AHCYL2: variants seen among roughly 807,000 people sequenced by gnomAD.
AHCYL2 encodes the protein S-adenosylhomocysteine hydrolase-like protein 2.
Under a neutral mutation model 81.4 loss-of-function variants are expected in AHCYL2, and 28 were observed. The observed-to-expected ratio is 0.34, with a 90% CI of 0.25 to 0.47. The LOEUF (loss-of-function observed/expected upper bound fraction) is 0.47, where lower values mean the gene tolerates loss of function less well. Among genes scored for constraint, AHCYL2 ranks in the 20% least tolerant of loss-of-function variants. The probability of loss-of-function intolerance (pLI) is 1.00; values close to 1 mark genes in which losing one functional copy is unlikely to be tolerated. For missense variants in AHCYL2, 551 were observed against 785.1 expected (o/e 0.70, Z 3.56); for synonymous variants, 272 against 290.2 (o/e 0.94, Z 0.64).
At chr7:129,412,314 C>G (rs1435038795) in intron 11 of AHCYL2, among the ~76,000 whole-genome samples, 1 of 134,984 alleles carries the variant, frequency 7.4e-6, no homozygotes, top group African/African-American at 2.7e-5. Flanking sequence ...TTTTTTTTTT[C>G]GAGACACCCA....
chr7:129,271,279 TG>T (rs1417366244), intron 1 of AHCYL2, among the ~76,000 whole-genome samples: 1 of 146,086 alleles, frequency 6.8e-6, no homozygotes, highest in African/African-American at 2.6e-5. Flanking sequence ...AAGAATGGCG[TG>T]AACCCGAGAG....
intron 1 of AHCYL2, among the ~76,000 whole-genome samples, chr7:129,358,045 A>G (rs1272484379): frequency 6.6e-6 from 1 of 152,152 alleles, no homozygotes; most frequent in Non-Finnish European, 1.5e-5. Flanking sequence ...GCCTATCGAC[A>G]GATGAATGGA....
intron 1 of AHCYL2, among the ~76,000 whole-genome samples, chr7:129,353,192 C>A (rs190833410): frequency 0.011 from 1,693 of 152,256 alleles, 14 homozygotes; most frequent in Non-Finnish European, 0.018. Flanking sequence ...AGGTGATCCA[C>A]CTGCCTCGGC....
At chr7:129,253,937 T>C (rs547355353) in intron 1 of AHCYL2, among the ~76,000 whole-genome samples, 3 of 152,380 alleles carry the variant, frequency 2.0e-5, no homozygotes, top group Admixed American at 6.5e-5. Flanking sequence ...TTAACTATTA[T>C]GATTTAGTTA....
chr7:129,290,459 C>G lies in AHCYL2; in HGVS notation c.363+65020C>G, dbSNP rs1385983660. On this transcript the variant is annotated intron_variant, in intron 1 of 16. Transcript: ENST00000325006. Reference sequence around the variant, plus strand: ...GAGCTTGCAGTGAGCTGAGATTGCGCCACTGCACTCCAGCCTGGGCGACAG... The same window carrying G: ...GAGCTTGCAGTGAGCTGAGATTGCGGCACTGCACTCCAGCCTGGGCGACAG... Among the ~76,000 whole-genome samples the G allele has an allele frequency of 1.3e-4, 19 of 150,128 alleles. No homozygotes were observed. In the South Asian group the frequency reaches 2.8e-3, roughly 22 times the overall value.
In AHCYL2 at chr7:129,350,583, C is replaced by G. The variant is rs111905237; in HGVS notation, c.364-29055C>G. ...TGTATTTTTAGTAGAGACAGGGTTT[C>G]ACTATGTTGGCCAGGCTGGTCTCGA... On this transcript the variant is annotated intron_variant, in intron 1 of 16. Coordinates refer to ENST00000325006, the MANE Select transcript of AHCYL2 (RefSeq NM_015328.4). 6.1e-3 allele frequency among the ~76,000 whole-genome samples: 925 copies of G among 152,048 alleles called. 12 individuals carry two copies. The highest frequency in any genetic ancestry group is 0.022 in the African/African-American group (892 of 41,486).
At chr7:129,416,400 A>G (rs538101655) in intron 12 of AHCYL2, among the ~76,000 whole-genome samples, 10 of 152,326 alleles carry the variant, frequency 6.6e-5, no homozygotes, top group Admixed American at 2.0e-4. Context: ...AATTTATACT[A>G]TGTTAGAAGG....
At chr7:129,245,117 T>A (rs1255925500) in intron 1 of AHCYL2, among the ~76,000 whole-genome samples, 3 of 151,094 alleles carry the variant, frequency 2.0e-5, no homozygotes, top group Admixed American at 6.6e-5. Context: ...CTCCGCCTCC[T>A]GGGCTCAAGT....
intron 1 of AHCYL2, among the ~76,000 whole-genome samples, chr7:129,298,354 AC>A (rs1420033432): frequency 6.6e-6 from 1 of 152,220 alleles, no homozygotes; most frequent in African/African-American, 2.4e-5. Context: ...TATCTAGTTA[AC>A]TAAATATTTC....
intron 6 of AHCYL2, among the ~76,000 whole-genome samples, chr7:129,402,044 A>C (rs1276252840): frequency 3.9e-5 from 6 of 152,218 alleles, no homozygotes; most frequent in Admixed American, 3.9e-4. Flanking sequence ...GACAGCAACT[A>C]CTGTCTCTAG....
intron 1 of AHCYL2, among the ~76,000 whole-genome samples, chr7:129,264,558 G>T (rs924497379): frequency 6.6e-6 from 1 of 152,216 alleles, no homozygotes; most frequent in African/African-American, 2.4e-5. Context: ...AATTATAGTA[G>T]AGAAAATTAA....
At chr7:129,356,986 C>T (rs2150837315) in intron 1 of AHCYL2, among the ~76,000 whole-genome samples, 1 of 152,280 alleles carries the variant, frequency 6.6e-6, no homozygotes, top group Admixed American at 6.5e-5. Flanking sequence ...AAGGCTGGTA[C>T]CTACATTCTA....
intron 1 of AHCYL2, among the ~76,000 whole-genome samples, chr7:129,299,281 A>T (rs74368096): frequency 2.8e-5 from 1 of 35,646 alleles, no homozygotes. Flanking sequence ...CTCCTCTACC[A>T]AAAAAAAAAA....
chr7:129,423,435 A>G (rs1021476548), intron 13 of AHCYL2, among the ~76,000 whole-genome samples: 3 of 152,176 alleles, frequency 2.0e-5, no homozygotes, highest in Non-Finnish European at 4.4e-5. Context: ...CAATTGCTCA[A>G]TTGATATTTC....
At chr7:129,290,657 G>T (rs935017456) in intron 1 of AHCYL2, among the ~76,000 whole-genome samples, 2 of 151,464 alleles carry the variant, frequency 1.3e-5, no homozygotes, top group South Asian at 2.1e-4. Context: ...GTGGCCGGGC[G>T]TGGTGGCTCA....
chr7:129,228,355 A>G (rs1257056299), intron 1 of AHCYL2, among the ~76,000 whole-genome samples: 2 of 152,238 alleles, frequency 1.3e-5, no homozygotes, highest in Non-Finnish European at 2.9e-5. Context: ...TCCCAAGTGC[A>G]GTAGTTAATA....
chr7:129,423,987 T>A (rs183006803), intron 13 of AHCYL2, among the ~76,000 whole-genome samples: 1 of 152,210 alleles, frequency 6.6e-6, no homozygotes, highest in Non-Finnish European at 1.5e-5. Context: ...ACCTGGTAAT[T>A]TTGGTGACAA....
At chr7:129,418,385 C>T (rs929124489) in intron 12 of AHCYL2, among the ~76,000 whole-genome samples, 2 of 151,994 alleles carry the variant, frequency 1.3e-5, no homozygotes, top group Admixed American at 6.6e-5. Context: ...CTGCAACCTC[C>T]GCCTCTTTGG....
chr7:129,289,154 A>G (rs563353548), intron 1 of AHCYL2, among the ~76,000 whole-genome samples: 4 of 152,036 alleles, frequency 2.6e-5, no homozygotes, highest in African/African-American at 4.8e-5. Flanking sequence ...CAGTGGCACA[A>G]TTACAGCTCA....
Sources: allele counts gnomAD v4.1 joint callset (sites outside exome capture counted in the v4.1 genomes callset), GRCh38; gene constraint gnomAD v4.1.1; transcripts MANE v1.5; gene names NCBI Gene and HGNC (gene_info 2026-07-23, HGNC 2026-07-21).